The following C2orf66 variants were observed in gnomAD, a reference collection of about 807,000 sequenced individuals.
The protein encoded by C2orf66 is uncharacterized protein C2orf66.
In C2orf66, 6 loss-of-function variants were observed where a neutral mutation model predicts 7.0. The observed-to-expected ratio is 0.86, with a 90% CI of 0.47 to 1.69. The LOEUF is 1.69. Ranked by LOEUF, C2orf66 falls within the 40% of genes most tolerant of loss-of-function variation. The pLI is 0.01. For synonymous variants in C2orf66, 38 were observed against 43.8 expected (o/e 0.87, Z 0.52); for missense variants, 107 against 112.0 (o/e 0.96, Z 0.20).
the C2orf66 span, among the ~76,000 whole-genome samples, chr2:196,821,979 G>T: frequency 1.9e-5 from 2 of 105,064 alleles, no homozygotes; most frequent in Non-Finnish European, 3.5e-5. Flanking sequence ...GTCTTGGCAC[G>T]ATCTTGTCTC....
chr2:196,832,025 T>C, the C2orf66 span: 3 of 152,126 alleles, frequency 2.0e-5, no homozygotes, highest in Admixed American at 6.5e-5. Flanking sequence ...ATTTAAAATT[T>C]TTTCTCACGT....
chr2:196,822,557 T>C, the C2orf66 span, among the ~76,000 whole-genome samples: 3 of 152,340 alleles, frequency 2.0e-5, no homozygotes, highest in East Asian at 5.8e-4. Context: ...TATAGTTTTC[T>C]CTATTCTTTC....
chr2:196,824,490 T>C, the C2orf66 span, among the ~76,000 whole-genome samples: 1 of 152,218 alleles, frequency 6.6e-6, no homozygotes, highest in Non-Finnish European at 1.5e-5. Context: ...ATAGCATATA[T>C]TTCTGATTAA....
chr2:196,817,335 T>C, the C2orf66 span, among the ~76,000 whole-genome samples: 1 of 149,814 alleles, frequency 6.7e-6, no homozygotes, highest in East Asian at 2.0e-4. Flanking sequence ...CCTGGGTTCA[T>C]GCCATTCTCC....
At chr2:196,824,456 A>G in the C2orf66 span, among the ~76,000 whole-genome samples, 1 of 151,798 alleles carries the variant, frequency 6.6e-6, no homozygotes, top group African/African-American at 2.4e-5. Flanking sequence ...TTTTCTTCTG[A>G]TTTTTTTTCT....
chr2:196,828,508 G>T, the C2orf66 span, among the ~76,000 whole-genome samples: 2 of 152,266 alleles, frequency 1.3e-5, no homozygotes, highest in African/African-American at 4.8e-5. Flanking sequence ...TGTATACCTT[G>T]TATAATCCCC....
chr2:196,827,626 T>C, the C2orf66 span, among the ~76,000 whole-genome samples: 62 of 152,318 alleles, frequency 4.1e-4, no homozygotes, highest in African/African-American at 9.1e-4. Flanking sequence ...ACTGAACTTA[T>C]GTAGTTGCAG....
At chr2:196,805,570 A>C (rs552934962) in intron 2 of C2orf66, among the ~76,000 whole-genome samples, 162 bp from the exon 3 acceptor site, 1 of 152,302 alleles carries the variant, frequency 6.6e-6, no homozygotes, top group East Asian at 1.9e-4. Context: ...ATATACTCCA[A>C]ATCAGAAGCT....
chr2:196,831,804 T>C, the C2orf66 span, among the ~76,000 whole-genome samples: 6 of 152,008 alleles, frequency 3.9e-5, no homozygotes, highest in Non-Finnish European at 8.8e-5. Context: ...ATCGCCTGAG[T>C]TTCATTATCC....
the C2orf66 span, among the ~76,000 whole-genome samples, chr2:196,828,808 C>T: frequency 1.3e-5 from 2 of 152,074 alleles, no homozygotes; most frequent in Non-Finnish European, 2.9e-5. Flanking sequence ...CAAGAGTCCC[C>T]GGTTGACAGC....
At chr2:196,810,953 A>G (rs1279207222), upstream of C2orf66, among the ~76,000 whole-genome samples, 3 of 152,284 alleles carry the variant, frequency 2.0e-5, no homozygotes, top group African/African-American at 7.2e-5. Context: ...AATCATTTCT[A>G]TGAAATAGCG....
intron 2 of C2orf66, among the ~76,000 whole-genome samples, chr2:196,807,132 T>C (rs963279020): frequency 5.3e-5 from 8 of 152,076 alleles, no homozygotes; most frequent in African/African-American, 1.9e-4. Flanking sequence ...CAGGTAAGAG[T>C]GTGGCCATGT....
intron 2 of C2orf66, among the ~76,000 whole-genome samples, chr2:196,806,841 G>C (rs1178273478): frequency 6.6e-6 from 1 of 152,074 alleles, no homozygotes; most frequent in East Asian, 1.9e-4. Context: ...GGGCGACACA[G>C]TGAGACTCTA....
At chr2:196,812,695 G>C (rs1016505157), upstream of C2orf66, among the ~76,000 whole-genome samples, 2 of 152,154 alleles carry the variant, frequency 1.3e-5, no homozygotes, top group African/African-American at 2.4e-5. Flanking sequence ...CATTGTCTCA[G>C]CCCAAAATCT....
intron 2 of C2orf66, among the ~76,000 whole-genome samples, chr2:196,806,946 C>T (rs1359384096): frequency 6.6e-6 from 1 of 152,076 alleles, no homozygotes; most frequent in Non-Finnish European, 1.5e-5. Flanking sequence ...AATAGTCAAC[C>T]TTTTCTTCCT....
chr2:196,807,459 T>A lies in C2orf66; in HGVS notation c.287A>T (p.Asn96Ile). ...DYEEQKNSFH[N>I]YLKG ...AAGAAACTTTCAGCCTTTGAGATAA[T>A]TGTGAAAGGAGTTTTTCTGCTCTTC... The change falls in exon 2 of 3, where the codon AAT (asparagine) becomes ATT (isoleucine). Residue 96 changes from asparagine (N) to isoleucine (I), a missense_variant. Coordinates refer to ENST00000342506, the MANE Select transcript of C2orf66 (RefSeq NM_213608.3). The A allele has an allele frequency of 1.2e-6, 2 of 1,608,522 alleles. No homozygotes were observed. The highest frequency in any genetic ancestry group is 2.2e-5 in the East Asian group (1 of 44,770).
At chr2:196,805,445 T>C (rs577083555) in intron 2 of C2orf66, 37 bp from the exon 3 acceptor site, 2 of 152,168 alleles carry the variant, frequency 1.3e-5, no homozygotes, top group African/African-American at 4.8e-5. Flanking sequence ...TAAATAGAAA[T>C]TGAAGACTAT....
chr2:196,821,511 T>C, the C2orf66 span, among the ~76,000 whole-genome samples: 1 of 152,238 alleles, frequency 6.6e-6, no homozygotes, highest in African/African-American at 2.4e-5. Flanking sequence ...GCTTCTTCTG[T>C]CATCCAGATC....
At chr2:196,826,421 CA>C in the C2orf66 span, among the ~76,000 whole-genome samples, 1 of 152,046 alleles carries the variant, frequency 6.6e-6, no homozygotes, top group African/African-American at 2.4e-5. Context: ...AGTTTGCAAT[CA>C]AAAAAGTCTG....
Sources: allele counts gnomAD v4.1 joint callset (sites outside exome capture counted in the v4.1 genomes callset), GRCh38; gene constraint gnomAD v4.1.1; transcripts MANE v1.5; gene names NCBI Gene and HGNC (gene_info 2026-07-23, HGNC 2026-07-21).